Variants in TMC4 observed in about 807,000 individuals in gnomAD.
TMC4 encodes voltage-gated chloride channel TMC4.
A neutral mutation model predicts 82.0 loss-of-function variants in TMC4; 70 were observed. That is an observed-to-expected ratio of 0.85 (90% CI 0.70 to 1.04). The LOEUF (loss-of-function observed/expected upper bound fraction) is 1.04, where lower values mean the gene tolerates loss of function less well. Among genes scored for constraint, TMC4 ranks in the 50% least tolerant of loss-of-function variants. The pLI is 0.00. For synonymous variants in TMC4, 446 were observed against 406.0 expected (o/e 1.10, Z -1.18); for missense variants, 879 against 899.0 (o/e 0.98, Z 0.28).
At position 54,161,144 on chromosome 19, in the gene TMC4, A is replaced by G. The variant is rs35662948; in HGVS notation, c.1803T>C (p.Leu601=). The change falls in exon 12 of 15, where the codon CTT becomes CTC. Residue 601 remains leucine (L), a synonymous_variant. Coordinates refer to ENST00000619895, the MANE Select transcript of TMC4 (RefSeq NM_144686.4). ...CTCGCACTTACAGGAAGATGCTGTA[A>G]AGCAGGGGAACGCTGGAGATGGCCA... The part of the protein sequence containing the change: ...LGLAISSVPL[L]YSIFLIPPSK... 3.4e-4 allele frequency: 534 copies of G among 1,584,882 alleles called. 2 individuals are homozygous for G. The African/African-American group carries it at 6.2e-3, about 18-fold the overall frequency.
At position 54,164,536 on chromosome 19, in the gene TMC4, C is replaced by T; in HGVS notation, c.1011G>A (p.Arg337=). 1 of 1,613,958 alleles carries T rather than the reference C, an allele frequency of 6.2e-7. No individual in the cohort carries two copies. The highest frequency in any genetic ancestry group is 2.2e-5 in the East Asian group (1 of 44,882). ...TGAGCAGCACCCGCACCAACCAAAC[C>T]CTGGCTTGCTGGCCCAGCGTCCGCA... ...AAVRTLGQQA[R]VWLVRVLLNL... Residue 337 remains arginine (R), a synonymous_variant, in exon 7 of 15, where the codon AGG becomes AGA. Coordinates refer to ENST00000619895, the MANE Select transcript of TMC4 (RefSeq NM_144686.4).
rs139710462 is a variant in TMC4, at chr19:54,163,776, C to T, written c.1225G>A (p.Ala409Thr). 1.4e-5 allele frequency: 23 copies of T among 1,613,926 alleles called. No homozygotes were observed. The highest frequency in any genetic ancestry group is 1.8e-5 in the Non-Finnish European group (21 of 1,180,028). ...CTCCGAGTGTAGCCCTCCAGTGGAGCAATGAGCTTGAACACGGGCGGCAGC... is the reference window on the plus strand; with the variant it reads ...CTCCGAGTGTAGCCCTCCAGTGGAGTAATGAGCTTGAACACGGGCGGCAGC... ...FVLPPVFKLI[A>T]PLEGYTRSRQ... Residue 409 changes from alanine (A) to threonine (T), a missense_variant, in exon 8 of 15, where the codon GCT becomes ACT. Coordinates refer to ENST00000619895, the MANE Select transcript of TMC4 (RefSeq NM_144686.4).
intron 5 of TMC4, 124 bp downstream of exon 5, chr19:54,168,047 G>A: frequency 2.4e-6 from 3 of 1,232,178 alleles, no homozygotes; most frequent in South Asian, 3.1e-5. Context: ...TGGGCAATAA[G>A]AGCAAAACTC....
In TMC4 at chr19:54,171,982, C is replaced by G; in HGVS notation, c.181G>C (p.Glu61Gln). The G allele has an allele frequency of 2.5e-6, 4 of 1,612,472 alleles. No homozygotes were observed. Among genetic ancestry groups the G allele is most frequent in the Non-Finnish European group, 3.4e-6 (4 of 1,179,028 alleles). Reference sequence around the variant, plus strand: ...GCCTTTCTGCTCCTTCCTCCATCCTCCTCCTCCTCCTCCAGCGCCCCCCAA... The same window carrying G: ...GCCTTTCTGCTCCTTCCTCCATCCTGCTCCTCCTCCTCCAGCGCCCCCCAA... ...LPWGALEEEEEDGGRSRKAFT... is the reference protein window; with the variant it reads ...LPWGALEEEEQDGGRSRKAFT... The change falls in exon 2 of 15, where the codon GAG (glutamate) becomes CAG (glutamine). Residue 61 changes from glutamate to glutamine, a missense_variant. Glu to Gln is a conservative substitution (Grantham distance 29). Transcript: ENST00000619895.
chr19:54,168,401 T>TG (rs376188658), intron 4 of TMC4, 47 bp downstream of exon 4: 95 of 1,519,376 alleles, frequency 6.3e-5, no homozygotes, highest in Middle Eastern at 2.3e-4. Context: ...TTGAAGGCAC[T>TG]GGGGTCACAG....
chr19:54,160,715 C>G lies in TMC4; in HGVS notation c.1973+163G>C. The G allele has an allele frequency of 2.8e-6, 4 of 1,410,304 alleles. No individual in the cohort carries two copies. The East Asian group carries it at 9.9e-5, about 35-fold the overall frequency. 87.4% of individuals were successfully genotyped at this position (1,410,304 alleles called of 1,614,324 possible). On this transcript the variant is annotated intron_variant, in intron 13 of 14. Transcript: ENST00000619895. The stretch of plus-strand genomic sequence containing the variant: ...CAGATCCAGGAGTCCTACGTCCCGC[C>G]CACCTCCTCCTTCGGACCCAGCAGT...
intron 2 of TMC4, among the ~76,000 whole-genome samples, chr19:54,170,568 G>A (rs929105953): frequency 1.1e-4 from 17 of 151,860 alleles, no homozygotes; most frequent in African/African-American, 2.2e-4. Flanking sequence ...TATATAAAAC[G>A]GTATAGTATT....
chr19:54,165,658 A>G, intron 5 of TMC4, 92 bp from the exon 6 acceptor site: 1 of 1,446,166 alleles, frequency 6.9e-7, no homozygotes, highest in Non-Finnish European at 9.3e-7. Context: ...AATGGGGAAG[A>G]TGAACCCTAA....
chr19:54,161,995 C>G lies in TMC4; in HGVS notation c.1686+107G>C, dbSNP rs1016522478. 36 of 1,014,916 alleles carry G rather than the reference C, an allele frequency of 3.5e-5. 1 individual carries two copies. The South Asian group carries it at 5.5e-4, about 16-fold the overall frequency. 62.9% of individuals were successfully genotyped at this position (1,014,916 alleles called of 1,614,324 possible). A position where few individuals can be genotyped will look rare whatever the true frequency, so the allele number is the denominator to read the frequency against. ...AGTCTGTCCTCCAACCCCCTCCTCT[C>G]TCAGGACCGAGTAATCCAGGCCCCC... On this transcript the variant is annotated intron_variant, in intron 11 of 14. Transcript: ENST00000619895.
chr19:54,172,041 G>A lies in TMC4; in HGVS notation c.122C>T (p.Ala41Val). 6.2e-7 allele frequency: 1 copy of A among 1,612,268 alleles called. No individual in the cohort carries two copies. The highest frequency in any genetic ancestry group is 1.1e-5 in the South Asian group (1 of 90,820). ...CCCAGGGTCTCGGTACCGAAGGGTG[G>A]CAGCACTGGGCAGCTCGTTCAGCAC... ...SSVLNELPSA[A>V]TLRYRDPGVL... The change falls in exon 2 of 15, where the codon GCC (alanine) becomes GTC (valine). Residue 41 changes from alanine (A) to valine (V), a missense_variant. Ala to Val is a moderately conservative substitution (Grantham distance 64, BLOSUM62 0). Coordinates refer to ENST00000619895, the MANE Select transcript of TMC4 (RefSeq NM_144686.4).
Position 54,160,535 on chromosome 19 carries a change from C to T in TMC4, c.1984G>A (p.Ala662Thr), listed in dbSNP as rs2075516761. 3.1e-6 allele frequency: 5 copies of T among 1,614,008 alleles called. No individual in the cohort carries two copies. The African/African-American group carries it at 6.7e-5, about 22-fold the overall frequency. Residue 662 changes from alanine to threonine, a missense_variant, in exon 14 of 15, where the codon GCG becomes ACG. By Grantham distance (58) the Ala-to-Thr change is moderately conservative (BLOSUM62 0). Transcript: ENST00000619895. ...PLLLISSILM[A>T]YTVALANSYG... Reference sequence around the variant, plus strand: ...GAGTTAGCCAGAGCCACAGTGTACGCCATCAGGATGCTGAAGGAGACAGGA... The same window carrying T: ...GAGTTAGCCAGAGCCACAGTGTACGTCATCAGGATGCTGAAGGAGACAGGA...
rs866490814 is a variant in TMC4 at position 54,161,233 on chromosome 19, C to T, written c.1714G>A (p.Ala572Thr). 4.5e-6 allele frequency: 7 copies of T among 1,562,934 alleles called. No homozygotes were observed. The highest frequency in any genetic ancestry group is 5.2e-6 in the Non-Finnish European group (6 of 1,155,914). Residue 572 changes from alanine (A) to threonine (T), a missense_variant, in exon 12 of 15, where the codon GCT becomes ACT. Ala to Thr is a moderately conservative substitution (Grantham distance 58). Coordinates refer to ENST00000619895, the MANE Select transcript of TMC4 (RefSeq NM_144686.4). Reference protein sequence around the residue: ...KLTLFSTCSPAARTFRASAAN... With the variant: ...KLTLFSTCSPTARTFRASAAN... ...GCGGAGGCCCGGAAGGTGCGGGCAG[C>T]CGGGGAGCAGGTGGAGAAGAGGGTA...
chr19:54,163,831 C>T lies in TMC4; in HGVS notation c.1170G>A (p.Pro390=). 4 of 1,613,978 alleles carry T rather than the reference C, an allele frequency of 2.5e-6. No individual in the cohort carries two copies. Among genetic ancestry groups the T allele is most frequent in the Non-Finnish European group, 3.4e-6 (4 of 1,179,996 alleles). The change falls in exon 8 of 15, where the codon CCG becomes CCA. Residue 390 remains proline (P), a synonymous_variant. Coordinates refer to ENST00000619895, the MANE Select transcript of TMC4 (RefSeq NM_144686.4). ...AATTGACCCCAGCGATGAAGATGGA[C>T]GGAAGGTAATTCACCCCAAGCTTCA... ...PLLKLGVNYL[P]SIFIAGVNFV...
At chr19:54,166,406 G>C (rs1261151973) in intron 5 of TMC4, among the ~76,000 whole-genome samples, 1 of 151,836 alleles carries the variant, frequency 6.6e-6, no homozygotes, top group Non-Finnish European at 1.5e-5. Flanking sequence ...ACCCAGGAAG[G>C]AGATAGAGAA....
intron 2 of TMC4, among the ~76,000 whole-genome samples, chr19:54,170,425 C>T (rs1457886741): frequency 6.6e-6 from 1 of 151,764 alleles, no homozygotes; most frequent in Admixed American, 6.6e-5. Flanking sequence ...AGGGTGCTGT[C>T]ATGCCGTGTC....
At chr19:54,165,343 G>C in intron 6 of TMC4, 76 bp downstream of exon 6, 3 of 1,456,288 alleles carry the variant, frequency 2.1e-6, no homozygotes, top group Non-Finnish European at 9.2e-7. Flanking sequence ...CCATCACCGA[G>C]TTAGGCCCTG....
intron 1 of TMC4, among the ~76,000 whole-genome samples, chr19:54,172,424 G>A (rs1485850643): frequency 1.3e-5 from 1 of 77,992 alleles, no homozygotes. Flanking sequence ...ACAGGCCCCC[G>A]GCGCCTCCTC....
In TMC4 at chr19:54,163,326, T is replaced by C. The variant is rs2075616904; in HGVS notation, c.1278-167A>G. 3 of 719,480 alleles carry C rather than the reference T, an allele frequency of 4.2e-6. No homozygotes were observed. In the African/African-American group the frequency reaches 6.1e-5, roughly 15 times the overall value. 44.6% of individuals were successfully genotyped at this position (719,480 alleles called of 1,614,324 possible). ...TTTCTTTCTTTTTTTTTTTTTTTTT[T>C]TTGAGACAGGGTCTCACTCTGTCAC... On this transcript the variant is annotated intron_variant, in intron 8 of 14. Transcript: ENST00000619895.
intron 1 of TMC4, chr19:54,172,741 C>T (rs1394353788): frequency 2.9e-6 from 1 of 347,912 alleles, no homozygotes. Flanking sequence ...CAGGCTTTAA[C>T]TTCCTTTTCC....
Sources: allele counts gnomAD v4.1 joint callset (sites outside exome capture counted in the v4.1 genomes callset), GRCh38; gene constraint gnomAD v4.1.1; transcripts MANE v1.5; gene names NCBI Gene and HGNC (gene_info 2026-07-23, HGNC 2026-07-21).